Variants in PRDM5 observed in about 807,000 individuals in gnomAD.
PRDM5 encodes PR domain zinc finger protein 5.
In PRDM5, 56 loss-of-function variants were observed where a neutral mutation model predicts 81.2. The observed-to-expected ratio is 0.69, with a 90% CI of 0.56 to 0.86. The LOEUF (loss-of-function observed/expected upper bound fraction) is 0.86. Among genes scored for constraint, PRDM5 ranks in the 40% least tolerant of loss-of-function variants. PRDM5 has a pLI of 0.00. For synonymous variants in PRDM5, 267 were observed against 256.4 expected (o/e 1.04, Z -0.39); for missense variants, 697 against 770.1 (o/e 0.91, Z 1.12).
Position 120,816,871 on chromosome 4 carries a change from T to A in PRDM5, c.704A>T (p.Gln235Leu). 6.2e-7 allele frequency: 1 copy of A among 1,613,906 alleles called. No individual in the cohort carries two copies. The highest frequency in any genetic ancestry group is 1.3e-5 in the African/African-American group (1 of 75,030). The change falls in exon 6 of 16, where the codon CAG becomes CTG. Residue 235 changes from glutamine (Q) to leucine (L), a missense_variant. Physicochemically the swap from Gln to Leu is moderately radical, Grantham distance 113 (BLOSUM62 -2). This residue lies in a region of PRDM5 where 577 missense variants were observed against 606.7 expected (regional missense o/e 0.95). Transcript: ENST00000264808. ...SSLKESSRSF[Q>L]CSVCNSSFSS... ...GAAGGAAGAATTGCAAACAGAGCAC[T>A]GAAAACTTCGCGAAGACTCCTTTAG...
intron 3 of PRDM5, among the ~76,000 whole-genome samples, chr4:120,841,314 G>A (rs1188344361): frequency 1.3e-5 from 2 of 152,154 alleles, no homozygotes; most frequent in Admixed American, 6.5e-5. Flanking sequence ...TTCAGTGATA[G>A]AATGCAGAAC....
At chr4:120,724,249 T>A (rs1578482686) in intron 14 of PRDM5, among the ~76,000 whole-genome samples, 1 of 152,158 alleles carries the variant, frequency 6.6e-6, no homozygotes, top group East Asian at 1.9e-4. Context: ...CAAGACACTG[T>A]GTTAGAAACC....
At chr4:120,827,854 T>A (rs535792858) in intron 3 of PRDM5, among the ~76,000 whole-genome samples, 1 of 152,250 alleles carries the variant, frequency 6.6e-6, no homozygotes, top group South Asian at 2.1e-4. Context: ...GGCATCTTTC[T>A]TATCCCTATG....
chr4:120,762,991 T>A (rs1472467530), intron 13 of PRDM5, among the ~76,000 whole-genome samples: 1 of 152,138 alleles, frequency 6.6e-6, no homozygotes, highest in African/African-American at 2.4e-5. Context: ...AATGTAAAAA[T>A]CAAATAAGAG....
chr4:120,709,708 T>C (rs1006010605), intron 15 of PRDM5, among the ~76,000 whole-genome samples: 1 of 41,798 alleles, frequency 2.4e-5, no homozygotes, highest in Non-Finnish European at 6.2e-5. Flanking sequence ...GAACAGTGGT[T>C]TTTTTTCCCC....
chr4:120,766,473 A>C (rs995116660), intron 13 of PRDM5, among the ~76,000 whole-genome samples: 2 of 152,208 alleles, frequency 1.3e-5, no homozygotes, highest in African/African-American at 4.8e-5. Context: ...CCATAGCTGG[A>C]GTTAAGTTCT....
Position 120,799,716 on chromosome 4 carries a change from A to G in PRDM5, c.975T>C (p.Cys325=), listed in dbSNP as rs202190463. The change falls in exon 9 of 16, where the codon TGT becomes TGC. Residue 325 remains cysteine, a synonymous_variant. Transcript: ENST00000264808. ...KIHEIFDCQE[C]MKKFISANQL... ...GATTAGCTGAAATAAATTTCTTCATACATTCTTGACAATCAAATATCTCAT... is the reference window on the plus strand; with the variant it reads ...GATTAGCTGAAATAAATTTCTTCATGCATTCTTGACAATCAAATATCTCAT... 6.2e-7 allele frequency: 1 copy of G among 1,612,954 alleles called. No individual in the cohort carries two copies. Among genetic ancestry groups the G allele is most frequent in the East Asian group, 2.2e-5 (1 of 44,780 alleles).
In PRDM5 at chr4:120,891,597, C is replaced by T. The variant is rs899035292; in HGVS notation, c.177+15877G>A. Among the ~76,000 whole-genome samples the T allele has an allele frequency of 4.6e-4, 70 of 151,990 alleles. 5 individuals carry two copies. The highest frequency in any genetic ancestry group is 2.9e-5 in the Non-Finnish European group (2 of 67,978). On this transcript the variant is annotated intron_variant, in intron 2 of 15. Transcript: ENST00000264808. ...CTTTGGGGTTGGTTTGCTTTTGTTTCTCTAGTTTTTCTAGATGTGATGTTA... is the reference window on the plus strand; with the variant it reads ...CTTTGGGGTTGGTTTGCTTTTGTTTTTCTAGTTTTTCTAGATGTGATGTTA...
At chr4:120,690,987 T>C (rs1021430522), downstream of PRDM5, among the ~76,000 whole-genome samples, 3 of 152,166 alleles carry the variant, frequency 2.0e-5, no homozygotes, top group Non-Finnish European at 4.4e-5. Flanking sequence ...GGCTAAAAGT[T>C]TGCATTATTA....
At chr4:120,751,903 A>G (rs1722904932) in intron 14 of PRDM5, among the ~76,000 whole-genome samples, 1 of 152,222 alleles carries the variant, frequency 6.6e-6, no homozygotes, top group Non-Finnish European at 1.5e-5. Flanking sequence ...TTACTGAATT[A>G]GATAGCTTAT....
chr4:120,830,715 C>A (rs1197786589), intron 3 of PRDM5, among the ~76,000 whole-genome samples: 1 of 151,904 alleles, frequency 6.6e-6, no homozygotes, highest in Non-Finnish European at 1.5e-5. Context: ...TTAATCAGGT[C>A]ATATAAGAAA....
Position 120,798,308 on chromosome 4 carries a change from T to C in PRDM5, c.1147A>G (p.Lys383Glu). 6.2e-7 allele frequency: 1 copy of C among 1,610,792 alleles called. No homozygotes were observed. The highest frequency in any genetic ancestry group is 8.5e-7 in the Non-Finnish European group (1 of 1,178,358). ...TAAACATTTCTGTGGGCAAATCCCT[T>C]TCCACAAAGTTTGCATTTGTAAGGT... ...DKPYKCKLCG[K>E]GFAHRNVYKN... Residue 383 changes from lysine (K) to glutamate (E), a missense_variant, in exon 10 of 16, where the codon AAG becomes GAG. Lys to Glu is a moderately conservative substitution (Grantham distance 56). Coordinates refer to ENST00000264808, the MANE Select transcript of PRDM5 (RefSeq NM_018699.4).
At chr4:120,822,820 C>A (rs1755460533) in intron 3 of PRDM5, among the ~76,000 whole-genome samples, 1 of 152,178 alleles carries the variant, frequency 6.6e-6, no homozygotes, top group Non-Finnish European at 1.5e-5. Context: ...AGCACTGAAG[C>A]AAATCTAATC....
At chr4:120,744,140 T>G (rs1275610479) in intron 14 of PRDM5, among the ~76,000 whole-genome samples, 1 of 151,976 alleles carries the variant, frequency 6.6e-6, no homozygotes, top group Non-Finnish European at 1.5e-5. Flanking sequence ...TCAAAACCGC[T>G]CAACTACATG....
intron 2 of PRDM5, among the ~76,000 whole-genome samples, chr4:120,858,939 T>G (rs1446756164): frequency 6.6e-6 from 1 of 152,190 alleles, no homozygotes; most frequent in Non-Finnish European, 1.5e-5. Context: ...TCTGACTACA[T>G]CACTTTGGGT....
At chr4:120,860,710 C>A (rs940868378) in intron 2 of PRDM5, among the ~76,000 whole-genome samples, 1 of 151,606 alleles carries the variant, frequency 6.6e-6, no homozygotes, top group African/African-American at 2.4e-5. Flanking sequence ...TTTTTATGCA[C>A]GAATGTTACA....
Position 120,768,907 on chromosome 4 carries a change from GT to G in PRDM5, c.1537+8280del, listed in dbSNP as rs1746812194. ...TTAATGATCATTTGTTATACAGTTT[GT>G]TTTCCCACCAATTACATGACAAAGC... On this transcript the variant is annotated intron_variant, in intron 13 of 15. Coordinates refer to ENST00000264808, the MANE Select transcript of PRDM5 (RefSeq NM_018699.4). 3.3e-5 allele frequency among the ~76,000 whole-genome samples: 5 copies of G among 152,236 alleles called. No homozygotes were observed. In the South Asian group the frequency reaches 1.0e-3, roughly 32 times the overall value.
At chr4:120,699,161 AATATATATATATAT>A (rs70948358) in intron 15 of PRDM5, among the ~76,000 whole-genome samples, 12,676 of 73,726 alleles carry the variant, frequency 0.17, 1,008 homozygotes, top group Non-Finnish European at 0.25. Context: ...AGGAAATATA[AATATATATATATAT>A]ATATATATAT....
intron 10 of PRDM5, among the ~76,000 whole-genome samples, chr4:120,796,129 C>T (rs545481051): frequency 4.2e-4 from 64 of 152,174 alleles, no homozygotes; most frequent in Middle Eastern, 6.8e-3. Flanking sequence ...TGACTCTTAA[C>T]GTTTTTTTCT....
Sources: allele counts gnomAD v4.1 joint callset (sites outside exome capture counted in the v4.1 genomes callset), GRCh38; gene constraint gnomAD v4.1.1; regional missense constraint gnomAD v4.1.1; transcripts MANE v1.5; gene names NCBI Gene and HGNC (gene_info 2026-07-23, HGNC 2026-07-21).